Variants in ZNF277 observed in about 807,000 individuals in gnomAD.
ZNF277 encodes the protein nuclear receptor-interacting factor 4.
A neutral mutation model predicts 60.7 loss-of-function variants in ZNF277; 55 were observed. That is an observed-to-expected ratio of 0.91 (90% CI 0.73 to 1.13). The LOEUF is 1.13. Ranked by LOEUF, ZNF277 falls within the 50% of genes most tolerant of loss-of-function variation. The pLI is 0.00. For missense variants in ZNF277, 510 were observed against 523.0 expected (o/e 0.98, Z 0.24); for synonymous variants, 178 against 179.3 (o/e 0.99, Z 0.06).
chr7:112,290,389 C>T (rs1989940), intron 2 of ZNF277, among the ~76,000 whole-genome samples: 6,841 of 151,982 alleles, frequency 0.045, 369 homozygotes, highest in African/African-American at 0.13. Context: ...AATATGCATA[C>T]GTGGGCAGAA....
chr7:112,301,308 C>G (rs923139579), intron 4 of ZNF277, among the ~76,000 whole-genome samples: 9 of 152,088 alleles, frequency 5.9e-5, no homozygotes, highest in African/African-American at 2.2e-4. Flanking sequence ...TGGCCCTATT[C>G]TCTTCTTCAA....
intron 1 of ZNF277, among the ~76,000 whole-genome samples, chr7:112,214,400 C>A (rs1400621159): frequency 6.6e-6 from 1 of 152,220 alleles, no homozygotes; most frequent in Non-Finnish European, 1.5e-5. Context: ...TTATCAGACT[C>A]TGAATGAGTT....
chr7:112,339,822 A>G, intron 9 of ZNF277, 21 bp from the exon 10 acceptor site: 1 of 1,605,714 alleles, frequency 6.2e-7, no homozygotes, highest in Non-Finnish European at 8.5e-7. Flanking sequence ...ATGCTTACAG[A>G]TGTATTCATT....
At chr7:112,241,035 GT>G (rs1386656233) in intron 1 of ZNF277, among the ~76,000 whole-genome samples, 1 of 151,976 alleles carries the variant, frequency 6.6e-6, no homozygotes, top group African/African-American at 2.4e-5. Flanking sequence ...CTTCTGTACA[GT>G]GAAGGAAACA....
In ZNF277 at chr7:112,226,498, T is replaced by C. The variant is rs182381119; in HGVS notation, c.91+19691T>C. 5.3e-5 allele frequency among the ~76,000 whole-genome samples: 8 copies of C among 152,318 alleles called. No individual in the cohort carries two copies. In the East Asian group the frequency reaches 1.3e-3, roughly 26 times the overall value. ...CAAATCAGCATCTTTGTTTCTCTAG[T>C]TTAGTGTTCCTTTGATAGTACATTT... On this transcript the variant is annotated intron_variant, in intron 1 of 11. Coordinates refer to ENST00000361822, the MANE Select transcript of ZNF277 (RefSeq NM_021994.3).
chr7:112,320,344 A>G (rs1792948635), intron 5 of ZNF277, among the ~76,000 whole-genome samples: 1 of 152,116 alleles, frequency 6.6e-6, no homozygotes, highest in African/African-American at 2.4e-5. Flanking sequence ...ACCAGTGAGA[A>G]AGATAAATAG....
At chr7:112,253,423 G>A (rs1221692972) in intron 1 of ZNF277, among the ~76,000 whole-genome samples, 1 of 152,052 alleles carries the variant, frequency 6.6e-6, no homozygotes, top group Non-Finnish European at 1.5e-5. Flanking sequence ...AATTTCTAAC[G>A]ATACTTGCTA....
chr7:112,232,919 T>A lies in ZNF277; in HGVS notation c.91+26112T>A, dbSNP rs116605796. On this transcript the variant is annotated intron_variant, in intron 1 of 11. Coordinates refer to ENST00000361822, the MANE Select transcript of ZNF277 (RefSeq NM_021994.3). The stretch of plus-strand genomic sequence containing the variant: ...TATCTTCTGACCTATCTAACCCTAA[T>A]TCATATATTCTCTCTGCCTAAAATC... Among the ~76,000 whole-genome samples the A allele has an allele frequency of 2.6e-3, 402 of 152,238 alleles. 1 individual carries two copies. The highest frequency in any genetic ancestry group is 9.3e-3 in the African/African-American group (387 of 41,548).
At chr7:112,295,303 T>C (rs548790866) in intron 2 of ZNF277, among the ~76,000 whole-genome samples, 64 of 152,326 alleles carry the variant, frequency 4.2e-4, no homozygotes, top group African/African-American at 1.5e-3. Flanking sequence ...GCTCATTAGA[T>C]ACAAGAATTG....
intron 1 of ZNF277, among the ~76,000 whole-genome samples, chr7:112,250,026 G>A (rs9986709): frequency 0.043 from 6,605 of 152,212 alleles, 338 homozygotes; most frequent in African/African-American, 0.13. Flanking sequence ...CCGGTGAGCC[G>A]GGCGGAACAG....
intron 5 of ZNF277, among the ~76,000 whole-genome samples, chr7:112,318,870 C>A (rs1792910372): frequency 6.6e-6 from 1 of 152,104 alleles, no homozygotes; most frequent in African/African-American, 2.4e-5. Flanking sequence ...GAGGTTCCCA[C>A]TGATAATTTC....
chr7:112,250,765 A>T (rs1216543874), intron 1 of ZNF277, among the ~76,000 whole-genome samples: 1 of 152,122 alleles, frequency 6.6e-6, no homozygotes, highest in African/African-American at 2.4e-5. Context: ...GAACAAAGAG[A>T]TAGAAAAGCT....
At chr7:112,305,523 T>TTCTG (rs1434510581) in intron 4 of ZNF277, among the ~76,000 whole-genome samples, 4 of 151,984 alleles carry the variant, frequency 2.6e-5, no homozygotes, top group African/African-American at 7.2e-5. Flanking sequence ...TTTAAACCTA[T>TTCTG]TCTGCATTTG....
At chr7:112,236,953 C>G (rs553698961) in intron 1 of ZNF277, among the ~76,000 whole-genome samples, 1 of 152,070 alleles carries the variant, frequency 6.6e-6, no homozygotes, top group Non-Finnish European at 1.5e-5. Context: ...GAGTATAGAA[C>G]ATTCTTCAAG....
intron 5 of ZNF277, among the ~76,000 whole-genome samples, chr7:112,320,595 G>T (rs116429348): frequency 0.025 from 3,742 of 152,024 alleles, 145 homozygotes; most frequent in African/African-American, 0.085. Context: ...GTACTTTCTT[G>T]TTACCATACA....
Position 112,337,793 on chromosome 7 carries a change from A to C in ZNF277, c.933A>C (p.Ala311=), listed in dbSNP as rs1487954310. ...SAVCLFCEKQ[A]ETIEKLYVHM... ...TCTGCTTATTTTGTGAAAAGCAAGC[A>C]GAAACAATTGAGAAGTTGTATGTCC... The change falls in exon 9 of 12, where the codon GCA becomes GCC. Residue 311 remains alanine, a synonymous_variant. Coordinates refer to ENST00000361822, the MANE Select transcript of ZNF277 (RefSeq NM_021994.3). 2.5e-6 allele frequency: 4 copies of C among 1,612,330 alleles called. No individual in the cohort carries two copies. The highest frequency in any genetic ancestry group is 2.5e-6 in the Non-Finnish European group (3 of 1,179,478).
chr7:112,226,194 A>G (rs750979406), intron 1 of ZNF277, among the ~76,000 whole-genome samples: 1 of 152,180 alleles, frequency 6.6e-6, no homozygotes, highest in Non-Finnish European at 1.5e-5. Flanking sequence ...AAGATCCTTC[A>G]TCCTGTGTCT....
chr7:112,311,750 AAGGAG>A (rs2117101785), intron 4 of ZNF277, among the ~76,000 whole-genome samples: 1 of 152,240 alleles, frequency 6.6e-6, no homozygotes, highest in African/African-American at 2.4e-5. Flanking sequence ...GGAAGGGAAG[AAGGAG>A]AGGAGAGAAG....
intron 6 of ZNF277, among the ~76,000 whole-genome samples, chr7:112,329,531 T>G (rs560014241): frequency 2.1e-4 from 32 of 152,304 alleles, no homozygotes; most frequent in Middle Eastern, 3.4e-3. Flanking sequence ...AAGTGCTCAA[T>G]AAATATATAT....
Sources: gnomAD v4.1 joint callset for allele counts (sites outside exome capture counted in the v4.1 genomes callset) on GRCh38, gnomAD v4.1.1 for gene constraint, MANE v1.5 for transcripts, NCBI Gene and HGNC (gene_info 2026-07-23, HGNC 2026-07-21) for gene names.